The following ZC3H12B variants were observed in gnomAD, a reference collection of about 807,000 sequenced individuals.
The protein encoded by ZC3H12B is probable ribonuclease ZC3H12B.
Under a neutral mutation model 43.9 loss-of-function variants are expected in ZC3H12B, and 7 were observed. The ratio of observed to expected loss-of-function variants is 0.16; its 90% CI spans 0.09 to 0.30. ZC3H12B has a LOEUF of 0.30. ZC3H12B is among the 10% of genes least tolerant of loss of function. ZC3H12B has a pLI of 1.00. For missense variants in ZC3H12B, 475 were observed against 670.2 expected (o/e 0.71, Z 3.22); for synonymous variants, 222 against 241.7 (o/e 0.92, Z 0.76).
At chrX:65,499,749 G>GGC in intron 3 of ZC3H12B, 134 bp from the exon 9 acceptor site, 1 of 502,127 alleles carries the variant, frequency 2.0e-6, no homozygotes, top group Non-Finnish European at 3.5e-6. Context: ...ATTAGCAGAG[G>GGC]ATAGACTTGA....
chrX:65,326,622 A>G, the ZC3H12B span, among the ~76,000 whole-genome samples: 1 of 110,931 alleles, frequency 9.0e-6, no homozygotes, highest in Non-Finnish European at 1.9e-5. Flanking sequence ...AGTTTTCAAT[A>G]ATCTAGTGTA....
the ZC3H12B span, among the ~76,000 whole-genome samples, chrX:65,231,220 G>A: frequency 9.0e-6 from 1 of 111,038 alleles, no homozygotes; most frequent in Admixed American, 9.6e-5. Flanking sequence ...TGTACGAATA[G>A]GGAGTGGGTC....
chrX:65,265,059 G>A, the ZC3H12B span, among the ~76,000 whole-genome samples: 3 of 111,563 alleles, frequency 2.7e-5, no homozygotes, highest in Admixed American at 1.9e-4. Flanking sequence ...GACAGCCTTA[G>A]GCAAAACCTT....
chrX:65,357,393 G>A, the ZC3H12B span: 2 of 203,496 alleles, frequency 9.8e-6, no homozygotes, highest in Non-Finnish European at 9.1e-6. Flanking sequence ...CACTACCATA[G>A]TGTGGCGCTC....
the ZC3H12B span, among the ~76,000 whole-genome samples, chrX:65,205,923 C>A: frequency 9.0e-6 from 1 of 111,410 alleles, no homozygotes; most frequent in Non-Finnish European, 1.9e-5. Context: ...TTCACAATAG[C>A]TGCAAAAAAA....
chrX:65,421,897 G>A (rs1489086021), intron 3 of ZC3H12B, among the ~76,000 whole-genome samples: 1 of 107,174 alleles, frequency 9.3e-6, no homozygotes, highest in African/African-American at 3.4e-5. Context: ...GCAGTGAGCC[G>A]AGATCGTGCC....
chrX:65,250,573 T>C, the ZC3H12B span, among the ~76,000 whole-genome samples: 115 of 112,100 alleles, frequency 1.0e-3, no homozygotes, highest in African/African-American at 3.3e-3. Context: ...AGTGTTCCTA[T>C]TTCTCCACAT....
chrX:65,054,340 T>C, the ZC3H12B span, among the ~76,000 whole-genome samples: 3 of 111,742 alleles, frequency 2.7e-5, no homozygotes, highest in African/African-American at 9.8e-5. Flanking sequence ...TAGCCAGTTT[T>C]CCCAGCACCA....
chrX:65,135,964 G>T, the ZC3H12B span, among the ~76,000 whole-genome samples: 2 of 110,821 alleles, frequency 1.8e-5, no homozygotes, highest in Non-Finnish European at 3.8e-5. Context: ...GTTGTTTACT[G>T]AAGCATTTCT....
At chrX:65,428,335 G>A (rs991949499) in intron 3 of ZC3H12B, among the ~76,000 whole-genome samples, 1 of 112,030 alleles carries the variant, frequency 8.9e-6, no homozygotes, top group African/African-American at 3.2e-5. Context: ...AGTTTTCCTG[G>A]ATGATATTTT....
the ZC3H12B span, among the ~76,000 whole-genome samples, chrX:65,281,283 A>G: frequency 9.6e-6 from 1 of 103,650 alleles, no homozygotes; most frequent in African/African-American, 3.6e-5. Context: ...CCCCCAGGGT[A>G]GAGTGCAGAG....
chrX:65,104,852 C>T, the ZC3H12B span, among the ~76,000 whole-genome samples: 4 of 111,458 alleles, frequency 3.6e-5, no homozygotes, highest in East Asian at 1.1e-3. Context: ...GTGGTGAGTC[C>T]TCAGGGATCT....
the ZC3H12B span, among the ~76,000 whole-genome samples, chrX:65,334,770 G>A: frequency 9.0e-6 from 1 of 111,626 alleles, no homozygotes; most frequent in Admixed American, 9.5e-5. Context: ...GGCAAAAACA[G>A]ATCCCCCAAA....
upstream of ZC3H12B, among the ~76,000 whole-genome samples, chrX:65,364,095 T>C (rs957960215): frequency 9.9e-5 from 11 of 111,076 alleles, no homozygotes; most frequent in Non-Finnish European, 1.9e-4. Flanking sequence ...GGTTTATTGA[T>C]GGCAGTTCCA....
At chrX:65,199,298 A>G in the ZC3H12B span, among the ~76,000 whole-genome samples, 3 of 108,164 alleles carry the variant, frequency 2.8e-5, no homozygotes, top group Non-Finnish European at 5.7e-5. Context: ...CAGTATTTCA[A>G]CTGCATTTTT....
the ZC3H12B span, among the ~76,000 whole-genome samples, chrX:65,138,548 G>A: frequency 1.8e-5 from 2 of 112,009 alleles, no homozygotes; most frequent in African/African-American, 6.5e-5. Context: ...ACATGGGAGT[G>A]TAGAAACTCT....
At chrX:65,163,790 A>G in the ZC3H12B span, among the ~76,000 whole-genome samples, 1 of 111,145 alleles carries the variant, frequency 9.0e-6, no homozygotes, top group Middle Eastern at 4.6e-3. Flanking sequence ...TCCTGCACCC[A>G]CTGTCTGGCA....
At chrX:65,399,847 A>G (rs931916074) in intron 3 of ZC3H12B, among the ~76,000 whole-genome samples, 1 of 112,449 alleles carries the variant, frequency 8.9e-6, no homozygotes. Flanking sequence ...CTACTCAGTC[A>G]TAAAAGTAGA....
intron 3 of ZC3H12B, among the ~76,000 whole-genome samples, chrX:65,410,758 A>G (rs1185657303): frequency 8.9e-6 from 1 of 112,194 alleles, no homozygotes; most frequent in African/African-American, 3.2e-5. Context: ...GTACAATAAG[A>G]TATCATCTCA....
Sources: allele counts gnomAD v4.1 joint callset (sites outside exome capture counted in the v4.1 genomes callset), GRCh38; gene constraint gnomAD v4.1.1; transcripts MANE v1.5; gene names NCBI Gene and HGNC (gene_info 2026-07-23, HGNC 2026-07-21).